Variants in GYS2 observed in about 807,000 individuals in gnomAD.
GYS2 encodes glycogen [starch] synthase, liver.
A neutral mutation model predicts 85.6 loss-of-function variants in GYS2; 80 were observed. The observed-to-expected ratio is 0.93, with a 90% CI of 0.78 to 1.13. The LOEUF is 1.13. Among genes scored for constraint, GYS2 ranks in the 50% most tolerant of loss-of-function variants. The pLI, the probability that GYS2 is intolerant of heterozygous loss-of-function variation, is 0.00. For synonymous variants in GYS2, 328 were observed against 300.7 expected (o/e 1.09, Z -0.94); for missense variants, 881 against 854.9 (o/e 1.03, Z -0.38).
intron 1 of GYS2, among the ~76,000 whole-genome samples, chr12:21,600,304 T>A (rs968561011): frequency 6.6e-6 from 1 of 151,966 alleles, no homozygotes; most frequent in African/African-American, 2.4e-5. Flanking sequence ...ATTTTTTAAA[T>A]TTCTGTAGAA....
chr12:21,562,768 A>G (rs1944270555), intron 7 of GYS2, 150 bp downstream of exon 7: 3 of 774,222 alleles, frequency 3.9e-6, no homozygotes, highest in Non-Finnish European at 6.5e-6. Flanking sequence ...GGTAACTCCA[A>G]TATGTAAATT....
At position 21,580,464 on chromosome 12, in the gene GYS2, C is replaced by G; in HGVS notation, c.181G>C (p.Glu61Gln). ...KAKTTADEWG[E>Q]NYFLIGPYFE... ...TATGGACCTATCAGAAAATAGTTCT[C>G]TCCCCATTCATCTGCTGTTGTTTTG... The change falls in exon 2 of 16, where the codon GAG (glutamate) becomes CAG (glutamine). Residue 61 changes from glutamate (E) to glutamine (Q), a missense_variant. Coordinates refer to ENST00000261195, the MANE Select transcript of GYS2 (RefSeq NM_021957.4). 4.3e-6 allele frequency: 7 copies of G among 1,613,458 alleles called. No homozygotes were observed. The highest frequency in any genetic ancestry group is 3.4e-6 in the Non-Finnish European group (4 of 1,179,474).
intron 1 of GYS2, among the ~76,000 whole-genome samples, chr12:21,584,673 T>C (rs1162295831): frequency 1.3e-5 from 2 of 152,122 alleles, no homozygotes; most frequent in East Asian, 3.9e-4. Context: ...TGGTGGCAGG[T>C]TGATTATATT....
At chr12:21,557,818 G>A (rs1730008633) in intron 11 of GYS2, among the ~76,000 whole-genome samples, 1 of 152,018 alleles carries the variant, frequency 6.6e-6, no homozygotes, top group African/African-American at 2.4e-5. Context: ...AGAATGGTGT[G>A]GACCCGGGAG....
At chr12:21,558,373 T>G in intron 10 of GYS2, 60 bp from the exon 11 acceptor site, 1 of 1,023,084 alleles carries the variant, frequency 9.8e-7, no homozygotes, top group Non-Finnish European at 1.6e-6. Context: ...GGTGACTAAT[T>G]TCAACAATAG....
intron 3 of GYS2, among the ~76,000 whole-genome samples, chr12:21,575,069 A>G (rs1249508664): frequency 1.3e-5 from 2 of 152,208 alleles, no homozygotes; most frequent in Non-Finnish European, 2.9e-5. Context: ...ATGCCGTTAC[A>G]TCATTTTATA....
chr12:21,589,511 A>G (rs1465691347), intron 1 of GYS2, among the ~76,000 whole-genome samples: 1 of 152,192 alleles, frequency 6.6e-6, no homozygotes. Context: ...GAACCAAAAT[A>G]GTAAGTAGAA....
At chr12:21,584,775 C>T (rs182322932) in intron 1 of GYS2, among the ~76,000 whole-genome samples, 1 of 152,254 alleles carries the variant, frequency 6.6e-6, no homozygotes, top group African/African-American at 2.4e-5. Context: ...GAACTCAATG[C>T]TTATGCCAAG....
intron 5 of GYS2, among the ~76,000 whole-genome samples, chr12:21,564,337 A>G (rs987017899): frequency 6.6e-6 from 1 of 152,136 alleles, no homozygotes; most frequent in Admixed American, 6.5e-5. Context: ...AGGCTGAGCC[A>G]GGAGAATTGC....
intron 5 of GYS2, among the ~76,000 whole-genome samples, chr12:21,567,792 T>C (rs1944338940): frequency 6.6e-6 from 1 of 152,112 alleles, no homozygotes. Flanking sequence ...TGGTCAAAAC[T>C]GGCTGGCCGC....
intron 5 of GYS2, among the ~76,000 whole-genome samples, chr12:21,565,778 G>A (rs889567166): frequency 5.4e-5 from 8 of 148,094 alleles, no homozygotes; most frequent in African/African-American, 2.0e-4. Flanking sequence ...AGCAACATTG[G>A]TCACTAATTT....
At chr12:21,540,351 T>C (rs1943957535) in intron 14 of GYS2, 59 bp downstream of exon 14, 1 of 1,315,688 alleles carries the variant, frequency 7.6e-7, no homozygotes, top group South Asian at 1.2e-5. Context: ...AGAATCAATA[T>C]GTTTATAGTC....
Position 21,546,423 on chromosome 12 carries a change from G to A in GYS2, c.1470C>T (p.Pro490=), listed in dbSNP as rs373027409. 2 of 1,585,530 alleles carry A rather than the reference G, an allele frequency of 1.3e-6. No homozygotes were observed. The highest frequency in any genetic ancestry group is 1.7e-6 in the Non-Finnish European group (2 of 1,154,652). ...EFLSSTSPLL[P]MDYEEFVRGC... ...CTCTAACAAACTCTTCATAGTCCAT[G>A]GGTAGTAAGGGACTGGTGGAGGATA... is the stretch of plus-strand genomic sequence containing the variant. Residue 490 remains proline, a synonymous_variant, in exon 12 of 16, where the codon CCC becomes CCT. Transcript: ENST00000261195.
chr12:21,547,780 A>G (rs1213072624), intron 11 of GYS2, among the ~76,000 whole-genome samples: 3 of 152,166 alleles, frequency 2.0e-5, no homozygotes, highest in Non-Finnish European at 4.4e-5. Context: ...ATTATGTGCC[A>G]ATGTAGGTTC....
At position 21,580,359 on chromosome 12, in the gene GYS2, T is replaced by G. The variant is rs1944494873; in HGVS notation, c.286A>C (p.Asn96His). 6.2e-7 allele frequency: 1 copy of G among 1,613,732 alleles called. No homozygotes were observed. ...DAVRRAVDAM[N>H]KHGCQVHFGR... is the part of the protein sequence containing the mutation. ...TCCTTTACCTGGCAGCCATGCTTAT[T>G]CATTGCGTCCACTGCTCTTCTGACA... The change falls in exon 2 of 16, where the codon AAT (asparagine) becomes CAT (histidine). Residue 96 changes from asparagine to histidine, a missense_variant. Transcript: ENST00000261195.
At chr12:21,578,113 C>A (rs1424896000) in intron 2 of GYS2, among the ~76,000 whole-genome samples, 2 of 152,108 alleles carry the variant, frequency 1.3e-5, no homozygotes, top group African/African-American at 4.8e-5. Flanking sequence ...ATTCTGTTAC[C>A]CAGTTACAAC....
intron 1 of GYS2, among the ~76,000 whole-genome samples, chr12:21,581,318 G>A (rs10841851): frequency 0.41 from 62,783 of 152,018 alleles, 13,534 homozygotes; most frequent in Middle Eastern, 0.53. Context: ...GTTAAAGATA[G>A]ACCCCTGACC....
At chr12:21,577,972 C>T (rs1944465481) in intron 2 of GYS2, among the ~76,000 whole-genome samples, 1 of 152,128 alleles carries the variant, frequency 6.6e-6, no homozygotes, top group Admixed American at 6.5e-5. Context: ...CACACTTAAC[C>T]TCATGGTTAC....
At chr12:21,538,147 A>G (rs571296544) in intron 15 of GYS2, among the ~76,000 whole-genome samples, 1 of 152,296 alleles carries the variant, frequency 6.6e-6, no homozygotes, top group African/African-American at 2.4e-5. Flanking sequence ...AAGTGGAATG[A>G]CCACCTCTGA....
Sources: gnomAD v4.1 joint callset for allele counts (sites outside exome capture counted in the v4.1 genomes callset) on GRCh38, gnomAD v4.1.1 for gene constraint, MANE v1.5 for transcripts, NCBI Gene and HGNC (gene_info 2026-07-23, HGNC 2026-07-21) for gene names.